CCBE1: variants seen among roughly 807,000 people sequenced by gnomAD.
CCBE1 encodes collagen and calcium binding EGF domains 1, also known as collagen and calcium-binding EGF domain-containing protein 1.
A neutral mutation model predicts 50.0 loss-of-function variants in CCBE1; 37 were observed. That is an observed-to-expected ratio of 0.74 (90% CI 0.57 to 0.97). CCBE1 has a LOEUF of 0.97. Among genes scored for constraint, CCBE1 ranks in the 50% least tolerant of loss-of-function variants. The pLI is 0.00. For missense variants in CCBE1, 538 were observed against 523.8 expected (o/e 1.03, Z -0.26); for synonymous variants, 234 against 203.7 (o/e 1.15, Z -1.27).
intron 2 of CCBE1, among the ~76,000 whole-genome samples, chr18:59,576,189 TC>T (rs2052992499): frequency 6.6e-6 from 1 of 152,240 alleles, no homozygotes; most frequent in African/African-American, 2.4e-5. Context: ...TTGGCTTGTT[TC>T]CAGGTTTTGG....
At chr18:59,643,745 C>T (rs1021340621) in intron 2 of CCBE1, among the ~76,000 whole-genome samples, 6 of 145,826 alleles carry the variant, frequency 4.1e-5, no homozygotes, top group South Asian at 2.3e-4. Context: ...CGTTTGAACC[C>T]GCAGGGGTAG....
At chr18:59,635,760 G>C (rs1352364384) in intron 2 of CCBE1, among the ~76,000 whole-genome samples, 16 of 151,756 alleles carry the variant, frequency 1.1e-4, no homozygotes. Context: ...CTCAAGATAG[G>C]AAAGTAAAAT....
At chr18:59,559,597 C>T (rs556034867) in intron 2 of CCBE1, among the ~76,000 whole-genome samples, 1 of 152,352 alleles carries the variant, frequency 6.6e-6, no homozygotes, top group South Asian at 2.1e-4. Flanking sequence ...CATAAAGCCT[C>T]TTGTGTTTAA....
rs985319705 is a variant in CCBE1 at position 59,432,590 on chromosome 18, A to T, written c.*3318T>A. 7 of 152,236 alleles carry T rather than the reference A, an allele frequency of 4.6e-5. No homozygotes were observed. The allele number at this position is 152,236 out of a possible 1,614,324, so 9.4% of individuals were successfully genotyped here. A position where few individuals can be genotyped will look rare whatever the true frequency, so the allele number is the denominator to read the frequency against. Reference sequence around the variant, plus strand: ...TGAAAAATATGATTTGGGCATAAAAAGTACATATCAGTCTTGCAGTAGTCC... The same window carrying T: ...TGAAAAATATGATTTGGGCATAAAATGTACATATCAGTCTTGCAGTAGTCC... On this transcript the variant is annotated 3_prime_UTR_variant, in exon 11 of 11. Coordinates refer to ENST00000439986, the MANE Select transcript of CCBE1 (RefSeq NM_133459.4).
intron 2 of CCBE1, among the ~76,000 whole-genome samples, chr18:59,608,797 A>G (rs958280801): frequency 6.6e-6 from 1 of 152,172 alleles, no homozygotes; most frequent in African/African-American, 2.4e-5. Flanking sequence ...ATTCAAAATA[A>G]AAGATTTTCC....
intron 2 of CCBE1, among the ~76,000 whole-genome samples, chr18:59,635,244 AG>A (rs2053900089): frequency 6.6e-6 from 1 of 152,252 alleles, no homozygotes; most frequent in African/African-American, 2.4e-5. Flanking sequence ...CTAGCAATCT[AG>A]AATTGCGGAT....
chr18:59,446,627 C>G (rs554337583), intron 7 of CCBE1, among the ~76,000 whole-genome samples: 2 of 152,322 alleles, frequency 1.3e-5, no homozygotes, highest in South Asian at 2.1e-4. Context: ...GAACTCTGAG[C>G]TTTTGTTCTT....
chr18:59,437,988 T>G (rs1910235538), intron 10 of CCBE1, 123 bp downstream of exon 10: 1 of 818,184 alleles, frequency 1.2e-6, no homozygotes, highest in Admixed American at 2.0e-5. Flanking sequence ...AGAGTTCTGT[T>G]CAGGTGGGCT....
At chr18:59,687,746 C>T (rs554332099) in intron 2 of CCBE1, among the ~76,000 whole-genome samples, 146 of 152,226 alleles carry the variant, frequency 9.6e-4, no homozygotes, top group South Asian at 1.2e-3. Context: ...GGTGGATCAC[C>T]TGAGGAGCTC....
intron 2 of CCBE1, among the ~76,000 whole-genome samples, chr18:59,644,831 A>G (rs1240461907): frequency 6.6e-6 from 1 of 152,222 alleles, no homozygotes; most frequent in Non-Finnish European, 1.5e-5. Context: ...TAAAAAAGTC[A>G]TTTACAAGCA....
rs115887074 is a variant in CCBE1, at chr18:59,490,511, C to T, written c.213-10273G>A. On this transcript the variant is annotated intron_variant, in intron 2 of 10. Coordinates refer to ENST00000439986, the MANE Select transcript of CCBE1 (RefSeq NM_133459.4). ...AAAGTCTTTTGGTTTATTTCTAATG[C>T]CAGGCTTGGCAATGGCTTCAGAAAC... Among the ~76,000 whole-genome samples the T allele has an allele frequency of 4.6e-3, 695 of 151,796 alleles. 9 individuals carry two copies. The highest frequency in any genetic ancestry group is 0.016 in the African/African-American group (650 of 41,348).
At chr18:59,538,814 T>C (rs1321399774) in intron 2 of CCBE1, among the ~76,000 whole-genome samples, 2 of 152,140 alleles carry the variant, frequency 1.3e-5, no homozygotes, top group Non-Finnish European at 2.9e-5. Context: ...TCTTCTCCCA[T>C]TGGAGGGTAG....
intron 2 of CCBE1, among the ~76,000 whole-genome samples, chr18:59,673,450 C>CA (rs1163037632): frequency 1.3e-5 from 2 of 151,912 alleles, no homozygotes; most frequent in African/African-American, 2.4e-5. Context: ...GACTCCATCT[C>CA]AAAAAATAAA....
intron 2 of CCBE1, among the ~76,000 whole-genome samples, chr18:59,540,601 T>A (rs1329758048): frequency 6.6e-6 from 1 of 152,202 alleles, no homozygotes; most frequent in African/African-American, 2.4e-5. Context: ...CCACTGATTT[T>A]CTTAACATGG....
chr18:59,495,501 A>C (rs1210519090), intron 2 of CCBE1, among the ~76,000 whole-genome samples: 1 of 150,656 alleles, frequency 6.6e-6, no homozygotes. Flanking sequence ...CACTTCCCTG[A>C]CTAGCTCTTC....
intron 2 of CCBE1, among the ~76,000 whole-genome samples, chr18:59,671,687 G>A (rs1432469059): frequency 6.6e-6 from 1 of 151,832 alleles, no homozygotes; most frequent in African/African-American, 2.4e-5. Context: ...TGGTCACTTG[G>A]AACAACTGTG....
intron 6 of CCBE1, among the ~76,000 whole-genome samples, chr18:59,448,443 T>C (rs1910784565): frequency 6.6e-6 from 1 of 152,202 alleles, no homozygotes; most frequent in Non-Finnish European, 1.5e-5. Context: ...GTCTCAAACA[T>C]TTATTGAACA....
intron 2 of CCBE1, among the ~76,000 whole-genome samples, chr18:59,667,875 C>T (rs994230035): frequency 6.6e-6 from 1 of 152,098 alleles, no homozygotes; most frequent in African/African-American, 2.4e-5. Context: ...AAGACAGAAA[C>T]TTTGACTCAT....
At chr18:59,487,077 T>C (rs1912857937) in intron 2 of CCBE1, among the ~76,000 whole-genome samples, 1 of 149,900 alleles carries the variant, frequency 6.7e-6, no homozygotes, top group Non-Finnish European at 1.5e-5. Context: ...CAATTTAATA[T>C]TTCATTCCAA....
Sources: gnomAD v4.1 joint callset for allele counts (sites outside exome capture counted in the v4.1 genomes callset) on GRCh38, gnomAD v4.1.1 for gene constraint, MANE v1.5 for transcripts, NCBI Gene and HGNC (gene_info 2026-07-23, HGNC 2026-07-21) for gene names.